SGCZ: variants seen among roughly 807,000 people sequenced by gnomAD.
The protein encoded by SGCZ is sarcoglycan zeta, also known as zeta-sarcoglycan.
A neutral mutation model predicts 41.3 loss-of-function variants in SGCZ; 40 were observed. The ratio of observed to expected loss-of-function variants is 0.97; its 90% CI spans 0.75 to 1.26. The LOEUF is 1.26. Ranked by LOEUF, SGCZ falls within the 50% of genes most tolerant of loss-of-function variation. The probability of loss-of-function intolerance (pLI) is 0.00; values close to 1 mark genes in which losing one functional copy is unlikely to be tolerated. For missense variants in SGCZ, 552 were observed against 369.8 expected, an observed-to-expected ratio of 1.49 and a Z score of -4.04; for synonymous variants, 206 against 137.5, an observed-to-expected ratio of 1.50 and a Z score of -3.49.
At chr8:15,172,362 G>A (rs28440091) in intron 1 of SGCZ, among the ~76,000 whole-genome samples, 3,899 of 150,896 alleles carry the variant, frequency 0.026, 103 homozygotes, top group African/African-American at 0.071. Context: ...GGGTTTCACC[G>A]TGTCAGCCAG....
In SGCZ at chr8:14,508,748, T is replaced by G. The variant is rs537512544; in HGVS notation, c.234+45984A>C. 8.5e-5 allele frequency among the ~76,000 whole-genome samples: 13 copies of G among 152,288 alleles called. No homozygotes were observed. The South Asian group carries it at 2.5e-3, about 29-fold the overall frequency. On this transcript the variant is annotated intron_variant, in intron 2 of 7. Transcript: ENST00000382080. ...TTGGTTGTCAAGTTTTAGACTAAAT[T>G]AGTTTTAATAGGCTTTACCGTTTCA...
intron 1 of SGCZ, among the ~76,000 whole-genome samples, chr8:14,817,927 C>G (rs1370329631): frequency 2.0e-5 from 3 of 152,224 alleles, no homozygotes; most frequent in Non-Finnish European, 4.4e-5. Context: ...CAGGCAGTCC[C>G]TTAGTGGACC....
chr8:14,603,797 C>A (rs116111806), intron 1 of SGCZ, among the ~76,000 whole-genome samples: 97 of 152,176 alleles, frequency 6.4e-4, no homozygotes, highest in African/African-American at 2.3e-3. Context: ...GATTTAGTTT[C>A]CTGAGATCGG....
At chr8:14,734,892 C>T (rs1585218758) in intron 1 of SGCZ, among the ~76,000 whole-genome samples, 1 of 151,952 alleles carries the variant, frequency 6.6e-6, no homozygotes, top group African/African-American at 2.4e-5. Flanking sequence ...ATATTGATAA[C>T]GTTAGTTTTC....
chr8:14,336,720 C>G (rs934358992), intron 2 of SGCZ, among the ~76,000 whole-genome samples: 6 of 152,120 alleles, frequency 3.9e-5, no homozygotes, highest in Non-Finnish European at 8.8e-5. Context: ...CAAAGGGATT[C>G]AGCTGCTTAC....
At chr8:14,200,926 G>A (rs1473047735) in intron 4 of SGCZ, among the ~76,000 whole-genome samples, 1 of 152,066 alleles carries the variant, frequency 6.6e-6, no homozygotes, top group Admixed American at 6.6e-5. Context: ...CATATACAGA[G>A]CTTTCAAAAT....
chr8:15,109,643 CAG>C (rs1253836071), intron 1 of SGCZ, among the ~76,000 whole-genome samples: 1 of 152,064 alleles, frequency 6.6e-6, no homozygotes, highest in South Asian at 2.1e-4. Context: ...TTCAGGAAAA[CAG>C]AAATTATGGG....
At chr8:14,922,920 G>T (rs917664486) in intron 1 of SGCZ, among the ~76,000 whole-genome samples, 1 of 152,230 alleles carries the variant, frequency 6.6e-6, no homozygotes, top group African/African-American at 2.4e-5. Context: ...TTCAACCACA[G>T]AGGAAGACAT....
In SGCZ at chr8:14,621,890, T is replaced by G. The variant is rs182203101; in HGVS notation, c.40-66964A>C. On this transcript the variant is annotated intron_variant, in intron 1 of 7. Coordinates refer to ENST00000382080, the MANE Select transcript of SGCZ (RefSeq NM_139167.4). ...TAGACTAAGTGGAGTCTCTCCTCTGTCATACACTTATATCTATAGAATAAG... is the reference window on the plus strand; with the variant it reads ...TAGACTAAGTGGAGTCTCTCCTCTGGCATACACTTATATCTATAGAATAAG... 2.5e-3 allele frequency among the ~76,000 whole-genome samples: 384 copies of G among 152,212 alleles called. 1 individual carries two copies. Among genetic ancestry groups the G allele is most frequent in the African/African-American group, 8.5e-3 (354 of 41,548 alleles).
chr8:14,169,230 A>C (rs1048798159), intron 4 of SGCZ, among the ~76,000 whole-genome samples: 11 of 152,154 alleles, frequency 7.2e-5, no homozygotes, highest in African/African-American at 2.7e-4. Flanking sequence ...AATTAAAAAT[A>C]AATTTCTGAA....
intron 1 of SGCZ, among the ~76,000 whole-genome samples, chr8:14,976,652 T>C (rs971249153): frequency 6.6e-6 from 1 of 152,164 alleles, no homozygotes; most frequent in African/African-American, 2.4e-5. Context: ...AGCAAGAGAA[T>C]ATTTGTGGCA....
At chr8:14,194,041 A>G (rs1050042750) in intron 4 of SGCZ, among the ~76,000 whole-genome samples, 1 of 151,518 alleles carries the variant, frequency 6.6e-6, no homozygotes, top group African/African-American at 2.4e-5. Flanking sequence ...TTAAATATAT[A>G]TTGAAACAAA....
intron 2 of SGCZ, among the ~76,000 whole-genome samples, chr8:14,552,844 G>A (rs1803914265): frequency 6.6e-6 from 1 of 151,958 alleles, no homozygotes; most frequent in Admixed American, 6.6e-5. Flanking sequence ...AAGCTCACAA[G>A]GCTTGAACCT....
In SGCZ at chr8:14,963,241, A is replaced by C. The variant is rs376252849; in HGVS notation, c.39+274344T>G. Among the ~76,000 whole-genome samples, 306 of 152,336 alleles carry C rather than the reference A, an allele frequency of 2.0e-3. 3 individuals are homozygous for C. The highest frequency in any genetic ancestry group is 7.1e-3 in the African/African-American group (296 of 41,576). On this transcript the variant is annotated intron_variant, in intron 1 of 7. Coordinates refer to ENST00000382080, the MANE Select transcript of SGCZ (RefSeq NM_139167.4). ...GTGTGTATATGTGTTGCATGAGCAA[A>C]TGTATACAGATGAAAAAATGGAATT...
At chr8:14,223,638 C>T (rs528769597) in intron 4 of SGCZ, among the ~76,000 whole-genome samples, 4 of 152,190 alleles carry the variant, frequency 2.6e-5, no homozygotes, top group Admixed American at 1.3e-4. Flanking sequence ...GGGACAGATG[C>T]TATAGGTAAT....
intron 1 of SGCZ, among the ~76,000 whole-genome samples, chr8:14,919,441 T>G (rs1367170307): frequency 2.0e-5 from 3 of 152,062 alleles, no homozygotes; most frequent in African/African-American, 7.2e-5. Flanking sequence ...ACTCCACCTC[T>G]TAAAATAAAT....
chr8:15,218,732 T>C, intron 1 of SGCZ, among the ~76,000 whole-genome samples: 1 of 152,186 alleles, frequency 6.6e-6, no homozygotes, highest in East Asian at 1.9e-4. Flanking sequence ...AATAACTGAG[T>C]AATAATTGAC....
intron 1 of SGCZ, among the ~76,000 whole-genome samples, chr8:15,194,676 G>A (rs895588839): frequency 6.6e-6 from 1 of 152,128 alleles, no homozygotes; most frequent in Non-Finnish European, 1.5e-5. Context: ...AGATCTGAAG[G>A]TTCTACACTG....
At chr8:14,480,981 A>T (rs1352934391) in intron 2 of SGCZ, among the ~76,000 whole-genome samples, 5 of 152,128 alleles carry the variant, frequency 3.3e-5, no homozygotes, top group East Asian at 3.8e-4. Flanking sequence ...TGATAACTTT[A>T]ATATTCACAG....
Sources: allele counts gnomAD v4.1 joint callset (sites outside exome capture counted in the v4.1 genomes callset), GRCh38; gene constraint gnomAD v4.1.1; transcripts MANE v1.5; gene names NCBI Gene and HGNC (gene_info 2026-07-23, HGNC 2026-07-21).